Variants in SYCP1 observed in about 807,000 individuals in gnomAD.
SYCP1 encodes synaptonemal complex protein 1.
A neutral mutation model predicts 153.1 loss-of-function variants in SYCP1; 64 were observed. The ratio of observed to expected loss-of-function variants is 0.42; its 90% CI spans 0.34 to 0.51. The LOEUF is 0.51. Ranked by LOEUF, SYCP1 falls within the 20% of genes least tolerant of loss-of-function variation. SYCP1 has a pLI of 0.06. For synonymous variants in SYCP1, 384 were observed against 341.8 expected (o/e 1.12, Z -1.36); for missense variants, 997 against 1,049.0 (o/e 0.95, Z 0.68).
intron 24 of SYCP1, 134 bp from the exon 25 acceptor site, chr1:114,944,738 G>A (rs1670588776): frequency 1.4e-6 from 1 of 706,306 alleles, no homozygotes; most frequent in Non-Finnish European, 2.4e-6. Context: ...CCCAAACAGT[G>A]CATTTTCTAC....
chr1:114,981,326 T>A lies in SYCP1; in HGVS notation c.2383-10T>A. 6.4e-7 allele frequency: 1 copy of A among 1,565,350 alleles called. No individual in the cohort carries two copies. Among genetic ancestry groups the A allele is most frequent in the Non-Finnish European group, 8.7e-7 (1 of 1,155,832 alleles). On this transcript the variant is annotated splice_polypyrimidine_tract_variant and intron_variant, in intron 28 of 31. Transcript: ENST00000369522. ...GTGATGGTTTTATTCATTCTTGTTG[T>A]TCAATGCAGAAAACACAAACATTTT...
rs553748165 is a variant in SYCP1, at chr1:114,957,616, A to T, written c.2322+10296A>T. Among the ~76,000 whole-genome samples the T allele has an allele frequency of 3.2e-4, 48 of 152,316 alleles. 1 individual carries two copies. The South Asian group carries it at 9.3e-3, about 30-fold the overall frequency. On this transcript the variant is annotated intron_variant, in intron 27 of 31. Coordinates refer to ENST00000369522, the MANE Select transcript of SYCP1 (RefSeq NM_003176.4). The stretch of plus-strand genomic sequence containing the variant: ...ATAGCAAAAAACCCCAAATTATCTG[A>T]TTAAAAATTGGACAAAACATTTCTC...
intron 1 of SYCP1, 135 bp from the exon 2 acceptor site, chr1:114,855,306 T>A (rs2101233531): frequency 4.1e-6 from 2 of 481,954 alleles, no homozygotes; most frequent in East Asian, 7.1e-5. Context: ...AGGGCTCCAC[T>A]GTAGCGAGAG....
chr1:114,873,924 G>A (rs1443542096), intron 8 of SYCP1, among the ~76,000 whole-genome samples: 1 of 152,088 alleles, frequency 6.6e-6, no homozygotes, highest in East Asian at 1.9e-4. Flanking sequence ...TAGAGATGGG[G>A]TTTTACCACA....
chr1:114,891,934 A>T (rs139488104), intron 15 of SYCP1, among the ~76,000 whole-genome samples: 3 of 152,208 alleles, frequency 2.0e-5, no homozygotes, highest in African/African-American at 7.2e-5. Context: ...ATAAATTGGG[A>T]TAAGTGCTAT....
chr1:114,906,321 T>G (rs1667806464), intron 16 of SYCP1, among the ~76,000 whole-genome samples: 2 of 152,020 alleles, frequency 1.3e-5, no homozygotes, highest in Admixed American at 1.3e-4. Flanking sequence ...TTTCAAATAA[T>G]TAGTTTATAT....
In SYCP1 at chr1:114,984,329, A is replaced by G. The variant is rs1343742174; in HGVS notation, c.2560-396A>G. Among the ~76,000 whole-genome samples the G allele has an allele frequency of 2.0e-5, 3 of 152,192 alleles. No individual in the cohort carries two copies. In the South Asian group the frequency reaches 6.2e-4, roughly 32 times the overall value. ...AAAATAAGCAAGCATATTTTCTCAC[A>G]ATGTAATAAGGTGTTTTGTAGAGAG... On this transcript the variant is annotated intron_variant, in intron 29 of 31. Transcript: ENST00000369522.
chr1:114,933,577 T>C (rs1459974954), intron 23 of SYCP1, among the ~76,000 whole-genome samples: 1 of 152,186 alleles, frequency 6.6e-6, no homozygotes, highest in Non-Finnish European at 1.5e-5. Flanking sequence ...GAAGAAGGCT[T>C]CAGATGATCA....
At chr1:114,965,238 C>G (rs1456119059) in intron 27 of SYCP1, among the ~76,000 whole-genome samples, 1 of 152,134 alleles carries the variant, frequency 6.6e-6, no homozygotes, top group Non-Finnish European at 1.5e-5. Flanking sequence ...AGTTGCTTAT[C>G]AGCTTAAGGA....
At chr1:114,957,623 A>G (rs1485993265) in intron 27 of SYCP1, among the ~76,000 whole-genome samples, 1 of 152,240 alleles carries the variant, frequency 6.6e-6, no homozygotes, top group Admixed American at 6.5e-5. Context: ...CTGATTAAAA[A>G]TTGGACAAAA....
intron 27 of SYCP1, among the ~76,000 whole-genome samples, chr1:114,952,956 G>A (rs747272997): frequency 6.6e-6 from 1 of 152,202 alleles, no homozygotes; most frequent in East Asian, 1.9e-4. Flanking sequence ...TGGAAAATGG[G>A]AAGTTCAAGA....
chr1:114,965,448 G>C (rs185240484), intron 27 of SYCP1, among the ~76,000 whole-genome samples: 1 of 152,284 alleles, frequency 6.6e-6, no homozygotes, highest in East Asian at 1.9e-4. Flanking sequence ...TTTTCAAAGG[G>C]AATACTTCCA....
chr1:114,972,928 AT>A (rs775178621), intron 27 of SYCP1, among the ~76,000 whole-genome samples: 4 of 152,154 alleles, frequency 2.6e-5, no homozygotes, highest in African/African-American at 9.6e-5. Flanking sequence ...TATAGTGCAG[AT>A]TAAGTCCAGT....
chr1:114,957,373 T>G (rs961625931), intron 27 of SYCP1, among the ~76,000 whole-genome samples: 1 of 152,230 alleles, frequency 6.6e-6, no homozygotes, highest in Non-Finnish European at 1.5e-5. Flanking sequence ...TACAGGGCAT[T>G]GGTCCGGTCA....
chr1:114,928,005 G>C (rs1327983761), intron 23 of SYCP1, among the ~76,000 whole-genome samples: 4 of 152,064 alleles, frequency 2.6e-5, no homozygotes, highest in African/African-American at 9.7e-5. Context: ...ATTTTTGGTA[G>C]AGATGGGGTT....
intron 27 of SYCP1, among the ~76,000 whole-genome samples, chr1:114,968,111 T>C (rs865856683): frequency 2.6e-5 from 4 of 152,338 alleles, no homozygotes; most frequent in Middle Eastern, 3.4e-3. Flanking sequence ...GCCCTTAAGA[T>C]TTTTTCCTTC....
At chr1:114,914,158 A>C (rs917185413) in intron 20 of SYCP1, 113 bp downstream of exon 20, 39 of 751,630 alleles carry the variant, frequency 5.2e-5, no homozygotes, top group Non-Finnish European at 7.3e-5. Context: ...TTTATAAAGT[A>C]AAAATTAGAT....
chr1:114,915,474 C>T (rs1377129479), intron 20 of SYCP1, among the ~76,000 whole-genome samples: 4 of 152,200 alleles, frequency 2.6e-5, no homozygotes, highest in Non-Finnish European at 4.4e-5. Context: ...AAGGGTGATA[C>T]GTGTTCTATT....
intron 23 of SYCP1, among the ~76,000 whole-genome samples, chr1:114,943,358 C>T (rs1403167658): frequency 1.3e-5 from 2 of 151,782 alleles, no homozygotes; most frequent in South Asian, 2.1e-4. Context: ...GTGCCCTGAA[C>T]AATTGATTAC....
Sources: gnomAD v4.1 joint callset for allele counts (sites outside exome capture counted in the v4.1 genomes callset) on GRCh38, gnomAD v4.1.1 for gene constraint, MANE v1.5 for transcripts, NCBI Gene and HGNC (gene_info 2026-07-23, HGNC 2026-07-21) for gene names.